Variants in EMSY observed in about 807,000 individuals in gnomAD.
EMSY encodes the protein EMSY transcriptional repressor, BRCA2 interacting, also known as BRCA2-interacting transcriptional repressor EMSY.
In EMSY, 26 loss-of-function variants were observed where a neutral mutation model predicts 134.6. The observed-to-expected ratio is 0.19, with a 90% confidence interval of 0.14 to 0.27. The LOEUF is 0.27. Ranked by LOEUF, EMSY falls within the 10% of genes least tolerant of loss-of-function variation. The pLI is 1.00. For missense variants in EMSY, 1,305 were observed against 1,611.4 expected (o/e 0.81, Z 3.26); for synonymous variants, 579 against 577.8 (o/e 1.00, Z -0.03).
At chr11:76,467,979 CA>C (rs11354421) in intron 7 of EMSY, among the ~76,000 whole-genome samples, 52,390 of 98,014 alleles carry the variant, frequency 0.53, 10,360 homozygotes, top group African/African-American at 0.61. Context: ...AACTCCATCT[CA>C]AAAAAAAAAA....
At chr11:76,479,602 A>G (rs1373354494) in intron 8 of EMSY, among the ~76,000 whole-genome samples, 9 of 152,246 alleles carry the variant, frequency 5.9e-5, no homozygotes, top group Admixed American at 3.9e-4. Flanking sequence ...GAGGGGTAAT[A>G]GTGACAAGGA....
At chr11:76,495,082 A>G (rs1388117022) in intron 8 of EMSY, among the ~76,000 whole-genome samples, 1 of 152,166 alleles carries the variant, frequency 6.6e-6, no homozygotes, top group Non-Finnish European at 1.5e-5. Flanking sequence ...CTTGATCTGC[A>G]CAACAGCTCT....
chr11:76,468,431 C>G (rs1948447283), intron 7 of EMSY, among the ~76,000 whole-genome samples: 2 of 152,136 alleles, frequency 1.3e-5, no homozygotes, highest in Admixed American at 1.3e-4. Flanking sequence ...TCTTTTACTT[C>G]TTGTGTACTC....
intron 1 of EMSY, among the ~76,000 whole-genome samples, chr11:76,445,486 A>C (rs180708744): frequency 6.6e-6 from 1 of 151,618 alleles, no homozygotes; most frequent in Non-Finnish European, 1.5e-5. Flanking sequence ...TGGACTTGAC[A>C]TTGGGACCGG....
chr11:76,494,734 C>T (rs113194969), intron 8 of EMSY, among the ~76,000 whole-genome samples: 6 of 115,128 alleles, frequency 5.2e-5, no homozygotes, highest in Non-Finnish European at 3.5e-5. Flanking sequence ...TTCCTTCCTT[C>T]CTTTCCTTCC....
At chr11:76,528,367 G>A (rs2136370635) in exon 14 of EMSY, 5 of 1,612,686 alleles carry the variant, frequency 3.1e-6, no homozygotes, top group Non-Finnish European at 3.4e-6. Context: ...ATCCAGGGTA[G>A]CAGAGGCTGG....
intron 18 of EMSY, among the ~76,000 whole-genome samples, chr11:76,542,755 T>C (rs1951491911): frequency 8.1e-6 from 1 of 123,166 alleles, no homozygotes; most frequent in South Asian, 2.2e-4. Context: ...CGTTTTTTGT[T>C]TTTTTTTTTT....
intron 3 of EMSY, 92 bp downstream of exon 3, chr11:76,452,049 A>C (rs1947691723): frequency 1.3e-6 from 1 of 797,292 alleles, no homozygotes; most frequent in Non-Finnish European, 1.9e-6. Context: ...CTGTCAAATT[A>C]AGTTGAAGAA....
chr11:76,455,242 T>A (rs1289621285), intron 4 of EMSY, among the ~76,000 whole-genome samples: 2 of 152,140 alleles, frequency 1.3e-5, no homozygotes, highest in African/African-American at 4.8e-5. Context: ...TAAATTTCAT[T>A]TTTTTGAAAA....
chr11:76,534,945 A>T (rs1335425977), intron 14 of EMSY, among the ~76,000 whole-genome samples: 1 of 152,160 alleles, frequency 6.6e-6, no homozygotes, highest in Non-Finnish European at 1.5e-5. Flanking sequence ...TAGGTGGAAA[A>T]CTAAAAGAAT....
Position 76,507,778 on chromosome 11 carries a change from T to C in EMSY, c.1364-5608T>C, listed in dbSNP as rs918315768. Among the ~76,000 whole-genome samples the C allele has an allele frequency of 3.0e-4, 46 of 152,194 alleles. 1 individual carries two copies. Among genetic ancestry groups the C allele is most frequent in the Non-Finnish European group, 1.6e-4 (11 of 68,028 alleles). ...AGAACAGTGAATCCTTTCCAGAAGATTGACTTTGCCCAAATCCATTAGAGA... is the reference window on the plus strand; with the variant it reads ...AGAACAGTGAATCCTTTCCAGAAGACTGACTTTGCCCAAATCCATTAGAGA... On this transcript the variant is annotated intron_variant, in intron 9 of 20. Coordinates refer to ENST00000334736, the Ensembl canonical transcript of EMSY.
chr11:76,499,673 TTTTG>T (rs1021781064), intron 9 of EMSY, among the ~76,000 whole-genome samples: 2 of 152,190 alleles, frequency 1.3e-5, no homozygotes, highest in African/African-American at 4.8e-5. Flanking sequence ...TGCCGTTTTA[TTTTG>T]TTTGTTTCTT....
intron 7 of EMSY, among the ~76,000 whole-genome samples, chr11:76,466,860 A>T (rs1948372774): frequency 6.6e-6 from 1 of 152,198 alleles, no homozygotes; most frequent in South Asian, 2.1e-4. Context: ...CATTTATGAG[A>T]TGAGAATGAT....
chr11:76,515,212 G>C (rs558133773), intron 10 of EMSY, among the ~76,000 whole-genome samples: 5 of 150,692 alleles, frequency 3.3e-5, no homozygotes, highest in African/African-American at 1.2e-4. Flanking sequence ...TTTTTGGGGG[G>C]GGGGAGGAGG....
intron 12 of EMSY, among the ~76,000 whole-genome samples, chr11:76,524,842 G>C (rs1288356778): frequency 6.6e-6 from 1 of 152,154 alleles, no homozygotes. Context: ...TGAGCAACAT[G>C]GTGAAACTCC....
intron 2 of EMSY, among the ~76,000 whole-genome samples, chr11:76,448,319 G>A (rs190795635): frequency 2.2e-3 from 336 of 151,950 alleles, no homozygotes; most frequent in Non-Finnish European, 3.6e-3. Flanking sequence ...AGGGTGTGGG[G>A]GATGTCAATC....
rs562721710 is a variant in EMSY at position 76,465,876 on chromosome 11, A to G, written c.831+1796A>G. 7.2e-5 allele frequency among the ~76,000 whole-genome samples: 11 copies of G among 152,284 alleles called. 1 individual carries two copies. The highest frequency in any genetic ancestry group is 3.4e-3 in the Middle Eastern group (1 of 294). ...CATCGTAAATTGACCTAGCTGGACTATTTTGTTCAGGAACATCCACTACCC... is the reference window on the plus strand; with the variant it reads ...CATCGTAAATTGACCTAGCTGGACTGTTTTGTTCAGGAACATCCACTACCC... On this transcript the variant is annotated intron_variant, in intron 7 of 20. Transcript: ENST00000334736.
chr11:76,546,887 ATT>A (rs1294624412), intron 20 of EMSY: 1 of 285,050 alleles, frequency 3.5e-6, no homozygotes, highest in East Asian at 1.1e-4. Context: ...TAATTCAATC[ATT>A]GTTATTAAAA....
At chr11:76,544,960 C>T in intron 19 of EMSY, 138 bp downstream of exon 20, 10 of 922,482 alleles carry the variant, frequency 1.1e-5, no homozygotes, top group Non-Finnish European at 1.6e-5. Flanking sequence ...GCTGGTATTA[C>T]TTTGCCCCAT....
Sources: gnomAD v4.1 joint callset for allele counts (sites outside exome capture counted in the v4.1 genomes callset) on GRCh38, gnomAD v4.1.1 for gene constraint, MANE v1.5 for transcripts, NCBI Gene and HGNC (gene_info 2026-07-23, HGNC 2026-07-21) for gene names.